Variants in NRXN3 observed in about 807,000 individuals in gnomAD.
NRXN3 encodes neurexin III.
Under a neutral mutation model 137.6 loss-of-function variants are expected in NRXN3, and 32 were observed. The ratio of observed to expected loss-of-function variants is 0.23; its 90% CI spans 0.18 to 0.31. The LOEUF (loss-of-function observed/expected upper bound fraction) is 0.31. NRXN3 is among the 10% of genes least tolerant of loss of function. The pLI, the probability that NRXN3 is intolerant of heterozygous loss-of-function variation, is 1.00. For missense variants in NRXN3, 1,574 were observed against 2,062.5 expected (o/e 0.76, Z 4.59); for synonymous variants, 798 against 784.5 (o/e 1.02, Z -0.29).
intron 4 of NRXN3, chr14:78,300,625 G>C (rs1185957831): frequency 1.4e-6 from 2 of 1,404,068 alleles, no homozygotes; most frequent in African/African-American, 2.8e-5. Context: ...CTCTCTGGCC[G>C]CCTCCATGGT....
chr14:79,465,017 A>T (rs541037302), intron 15 of NRXN3, among the ~76,000 whole-genome samples: 1 of 152,334 alleles, frequency 6.6e-6, no homozygotes, highest in South Asian at 2.1e-4. Context: ...TCTGTAGCAG[A>T]ATCCACTATA....
chr14:79,605,790 G>A (rs887308284), intron 16 of NRXN3, among the ~76,000 whole-genome samples: 8 of 152,038 alleles, frequency 5.3e-5, no homozygotes, highest in Non-Finnish European at 1.0e-4. Context: ...GCGCCTGGCC[G>A]ATACTGCAGT....
In NRXN3 at chr14:78,228,157, CT is replaced by C. The variant is rs1156767557; in HGVS notation, c.-703-14216del. On this transcript the variant is annotated intron_variant, in intron 1 of 20. Coordinates refer to ENST00000335750, the MANE Select transcript of NRXN3 (RefSeq NM_001330195.2). Reference sequence around the variant, plus strand: ...TGGGAGAAATCGCTGAATTTTCTTTCTTTTTTTTTTTTTTTTTTGAGACAGA... The same window carrying C: ...TGGGAGAAATCGCTGAATTTTCTTTCTTTTTTTTTTTTTTTTTGAGACAGA... Among the ~76,000 whole-genome samples the C allele has an allele frequency of 7.5e-3, 978 of 130,446 alleles. 7 individuals are homozygous for C. The highest frequency in any genetic ancestry group is 0.017 in the African/African-American group (596 of 35,186). The allele number at this position is 130,446 out of a possible 152,430, so 85.6% of individuals were successfully genotyped here.
chr14:78,368,062 AC>A (rs1464029311), intron 4 of NRXN3, among the ~76,000 whole-genome samples: 1 of 152,222 alleles, frequency 6.6e-6, no homozygotes, highest in Non-Finnish European at 1.5e-5. Flanking sequence ...CAAAAATTTT[AC>A]TAATGCTTTG....
chr14:78,355,091 CTT>C (rs549838732), intron 4 of NRXN3, among the ~76,000 whole-genome samples: 63 of 152,346 alleles, frequency 4.1e-4, no homozygotes, highest in African/African-American at 1.4e-3. Context: ...AACATTATCT[CTT>C]TGCCTGGATC....
chr14:78,476,669 A>G (rs1229475384), intron 4 of NRXN3, among the ~76,000 whole-genome samples: 1 of 152,246 alleles, frequency 6.6e-6, no homozygotes, highest in Non-Finnish European at 1.5e-5. Context: ...ATTGATTTAT[A>G]ATATGAATTT....
At chr14:79,699,524 A>T (rs920322974) in intron 19 of NRXN3, among the ~76,000 whole-genome samples, 4 of 152,028 alleles carry the variant, frequency 2.6e-5, no homozygotes, top group African/African-American at 9.7e-5. Flanking sequence ...GGATTCGGGA[A>T]CCAAGCTGTA....
In NRXN3 at chr14:79,642,441, T is replaced by C. The variant is rs2098437576; in HGVS notation, c.3445-21337T>C. Among the ~76,000 whole-genome samples the C allele has an allele frequency of 3.7e-5, 5 of 135,788 alleles. 2 individuals are homozygous for C. In the Admixed American group the frequency reaches 3.9e-4, roughly 11 times the overall value. The allele number at this position is 135,788 out of a possible 152,430, so 89.1% of individuals were successfully genotyped here. ...TTGAGATTTTTTCTCTGTTTCCAAG[T>C]CTCTTCACAGCATTTGTATTCTGTC... On this transcript the variant is annotated intron_variant, in intron 16 of 20. Transcript: ENST00000335750.
chr14:79,075,301 A>G (rs1272600706), intron 15 of NRXN3, among the ~76,000 whole-genome samples: 1 of 152,208 alleles, frequency 6.6e-6, no homozygotes, highest in East Asian at 1.9e-4. Flanking sequence ...GAGGACTCCA[A>G]AGTAATCAGT....
At chr14:79,174,714 C>T (rs1194327820) in intron 15 of NRXN3, among the ~76,000 whole-genome samples, 1 of 150,792 alleles carries the variant, frequency 6.6e-6, no homozygotes, top group Non-Finnish European at 1.5e-5. Context: ...AAATCCCTAT[C>T]AGGGACTATT....
chr14:79,677,809 C>T (rs112814449), intron 17 of NRXN3, among the ~76,000 whole-genome samples: 2 of 152,228 alleles, frequency 1.3e-5, no homozygotes, highest in African/African-American at 4.8e-5. Context: ...CCTTCATGGA[C>T]AATTCTCTTG....
At chr14:78,863,326 C>T (rs2099077941) in intron 10 of NRXN3, among the ~76,000 whole-genome samples, 1 of 152,128 alleles carries the variant, frequency 6.6e-6, no homozygotes, top group South Asian at 2.1e-4. Context: ...TTTATCAGTT[C>T]AGCCCCCGTA....
chr14:78,259,269 C>G (rs1043390588), intron 2 of NRXN3, among the ~76,000 whole-genome samples: 1 of 152,094 alleles, frequency 6.6e-6, no homozygotes, highest in Non-Finnish European at 1.5e-5. Context: ...ACATCAGGTC[C>G]CATAAGAGCA....
chr14:78,649,210 A>G (rs2097715477), intron 5 of NRXN3: 1 of 1,265,326 alleles, frequency 7.9e-7, no homozygotes, highest in African/African-American at 1.5e-5. Context: ...AGTTTTTTTA[A>G]TTAACAATCG....
chr14:79,740,840 C>A (rs556806967), intron 19 of NRXN3, among the ~76,000 whole-genome samples: 69 of 143,936 alleles, frequency 4.8e-4, no homozygotes, highest in African/African-American at 1.7e-3. Context: ...CACTAGATTG[C>A]AAATTTCTAC....
Position 78,404,138 on chromosome 14 carries a change from C to A in NRXN3, c.757+106278C>A, listed in dbSNP as rs146443209. On this transcript the variant is annotated intron_variant, in intron 4 of 20. Transcript: ENST00000335750. ...TAATTTTTCTTGGAAATTTTGCCTC[C>A]AGGCCGATGCCTGGCCCCAGAACAG... Among the ~76,000 whole-genome samples, 154 of 151,724 alleles carry A rather than the reference C, an allele frequency of 1.0e-3. 1 individual carries two copies. The highest frequency in any genetic ancestry group is 3.5e-3 in the African/African-American group (143 of 41,364).
intron 20 of NRXN3, among the ~76,000 whole-genome samples, chr14:79,846,386 A>G (rs1017044054): frequency 3.3e-5 from 5 of 152,188 alleles, no homozygotes; most frequent in Non-Finnish European, 7.4e-5. Flanking sequence ...ACCTAATTAC[A>G]GTAAATAGAA....
At chr14:79,857,502 G>T (rs1276509727) in intron 20 of NRXN3, among the ~76,000 whole-genome samples, 1 of 152,140 alleles carries the variant, frequency 6.6e-6, no homozygotes, top group Non-Finnish European at 1.5e-5. Flanking sequence ...GATTACAGGC[G>T]TGAGCCACCG....
At chr14:78,792,914 A>G (rs754003722) in intron 8 of NRXN3, among the ~76,000 whole-genome samples, 3 of 152,218 alleles carry the variant, frequency 2.0e-5, no homozygotes, top group Non-Finnish European at 4.4e-5. Context: ...AGTTGTTACC[A>G]TATAATAACA....
Sources: gnomAD v4.1 joint callset for allele counts (sites outside exome capture counted in the v4.1 genomes callset) on GRCh38, gnomAD v4.1.1 for gene constraint, MANE v1.5 for transcripts, NCBI Gene and HGNC (gene_info 2026-07-23, HGNC 2026-07-21) for gene names.